The following FAAH2 variants were observed in gnomAD, a reference collection of about 807,000 sequenced individuals.
FAAH2 encodes the protein fatty acid amide hydrolase 2, also known as fatty-acid amide hydrolase 2.
A neutral mutation model predicts 36.9 loss-of-function variants in FAAH2; 60 were observed. That is an observed-to-expected ratio of 1.63 (90% CI 1.32 to 2.02). The LOEUF (loss-of-function observed/expected upper bound fraction) is 2.02, where lower values mean the gene tolerates loss of function less well. FAAH2 is among the 30% of genes most tolerant of loss of function. FAAH2 has a pLI of 0.00. For synonymous variants in FAAH2, 214 were observed against 143.8 expected (o/e 1.49, Z -3.49); for missense variants, 689 against 397.5 (o/e 1.73, Z -6.23).
chrX:57,486,213 G>C (rs2057471160), intron 10 of FAAH2, among the ~76,000 whole-genome samples: 1 of 111,841 alleles, frequency 8.9e-6, no homozygotes, highest in African/African-American at 3.3e-5. Context: ...TGGGGTTACT[G>C]TTCAGCCACC....
At chrX:57,194,303 A>T in the FAAH2 span, among the ~76,000 whole-genome samples, 7 of 111,214 alleles carry the variant, frequency 6.3e-5, no homozygotes, top group African/African-American at 2.3e-4. Context: ...TTTTCAATTT[A>T]TGGCATATAA....
chrX:57,264,568 T>C, the FAAH2 span, among the ~76,000 whole-genome samples: 5 of 112,619 alleles, frequency 4.4e-5, no homozygotes, highest in Admixed American at 9.4e-5. Context: ...AAAGGAATGC[T>C]TATACACTGG....
chrX:57,387,468 G>A, intron 7 of FAAH2, among the ~76,000 whole-genome samples: 1 of 111,183 alleles, frequency 9.0e-6, no homozygotes. Flanking sequence ...CAGATAAAAA[G>A]TAGAATGAGG....
At chrX:57,367,546 G>C (rs1462342977) in intron 5 of FAAH2, among the ~76,000 whole-genome samples, 2 of 112,484 alleles carry the variant, frequency 1.8e-5, no homozygotes, top group African/African-American at 6.5e-5. Flanking sequence ...CAAAAACAAT[G>C]AATAAACAAC....
At chrX:57,205,637 T>C in the FAAH2 span, among the ~76,000 whole-genome samples, 1 of 112,224 alleles carries the variant, frequency 8.9e-6, no homozygotes, top group Admixed American at 9.4e-5. Context: ...AAACTTTACC[T>C]TTTGAGCCAG....
At chrX:57,217,430 C>T in the FAAH2 span, among the ~76,000 whole-genome samples, 1 of 111,612 alleles carries the variant, frequency 9.0e-6, no homozygotes, top group East Asian at 2.8e-4. Flanking sequence ...AGGTTTAAGT[C>T]TTTAATCCAT....
chrX:57,429,693 G>T (rs1391636433), intron 7 of FAAH2, among the ~76,000 whole-genome samples: 1 of 106,422 alleles, frequency 9.4e-6, no homozygotes, highest in African/African-American at 3.4e-5. Context: ...TCTACCAAAG[G>T]GAAATAAATT....
chrX:57,448,813 T>A (rs990321718), intron 10 of FAAH2, 95 bp downstream of exon 10: 16 of 868,934 alleles, frequency 1.8e-5, no homozygotes, highest in Middle Eastern at 2.8e-4. Context: ...TTGGACAAGT[T>A]TTAAACATGC....
intron 5 of FAAH2, among the ~76,000 whole-genome samples, chrX:57,352,010 ATG>A (rs1420516729): frequency 3.0e-4 from 9 of 30,205 alleles, no homozygotes; most frequent in African/African-American, 4.9e-4. Flanking sequence ...AAGCAAATAT[ATG>A]TGTGTGTGTA....
chrX:57,337,268 G>GAA (rs35462646), intron 4 of FAAH2, among the ~76,000 whole-genome samples: 22,319 of 60,247 alleles, frequency 0.37, 3,712 homozygotes, highest in Middle Eastern at 0.58. Flanking sequence ...CCTACCAATC[G>GAA]AAAAAAAAAA....
At chrX:57,384,727 A>G (rs1434623305) in intron 7 of FAAH2, among the ~76,000 whole-genome samples, 7 of 110,329 alleles carry the variant, frequency 6.3e-5, no homozygotes, top group Admixed American at 1.9e-4. Context: ...ACTGTTGGTG[A>G]GACTGTAAAC....
At chrX:57,126,175 A>G in the FAAH2 span, among the ~76,000 whole-genome samples, 3 of 112,749 alleles carry the variant, frequency 2.7e-5, no homozygotes, top group African/African-American at 9.6e-5. Flanking sequence ...GATATTTTCC[A>G]AATAGACAAC....
At chrX:57,458,411 T>TG (rs2056898835) in intron 10 of FAAH2, among the ~76,000 whole-genome samples, 2 of 111,148 alleles carry the variant, frequency 1.8e-5, no homozygotes, top group Non-Finnish European at 3.8e-5. Flanking sequence ...GAGAATCGCT[T>TG]GAACCCAGGA....
At chrX:57,474,367 G>T (rs751101241) in intron 10 of FAAH2, among the ~76,000 whole-genome samples, 1 of 108,678 alleles carries the variant, frequency 9.2e-6, no homozygotes, top group Non-Finnish European at 1.9e-5. Flanking sequence ...CTTGTCCCCC[G>T]CCCCCAACAG....
At chrX:57,215,325 A>T in the FAAH2 span, among the ~76,000 whole-genome samples, 1 of 111,520 alleles carries the variant, frequency 9.0e-6, no homozygotes, top group African/African-American at 3.3e-5. Context: ...ACAGATGCTG[A>T]TGAGGCTGTG....
the FAAH2 span, among the ~76,000 whole-genome samples, chrX:57,196,436 A>G: frequency 8.9e-6 from 1 of 111,761 alleles, no homozygotes; most frequent in Non-Finnish European, 1.9e-5. Context: ...CACTAAATTC[A>G]TTTATCAGTT....
intron 9 of FAAH2, 52 bp downstream of exon 9, chrX:57,447,091 T>A: frequency 1.1e-6 from 1 of 933,088 alleles, no homozygotes; most frequent in Non-Finnish European, 1.5e-6. Context: ...TAATATTTCT[T>A]AATATCTAAA....
chrX:57,383,207 C>A (rs1418827411), intron 7 of FAAH2, among the ~76,000 whole-genome samples: 1 of 111,857 alleles, frequency 8.9e-6, no homozygotes, highest in Non-Finnish European at 1.9e-5. Context: ...ATGACAAACC[C>A]ACAGCCAATA....
intron 5 of FAAH2, among the ~76,000 whole-genome samples, chrX:57,348,153 A>G (rs2053881780): frequency 9.1e-6 from 1 of 110,210 alleles, no homozygotes; most frequent in African/African-American, 3.3e-5. Flanking sequence ...TTTGCCTCAG[A>G]GAATGCATGG....
Sources: allele counts gnomAD v4.1 joint callset (sites outside exome capture counted in the v4.1 genomes callset), GRCh38; gene constraint gnomAD v4.1.1; transcripts MANE v1.5; gene names NCBI Gene and HGNC (gene_info 2026-07-23, HGNC 2026-07-21).